Variants in BTRC observed in about 807,000 individuals in gnomAD.
BTRC encodes F-box/WD repeat-containing protein 1A.
BTRC carries 42 observed loss-of-function variants against 85.5 expected under a neutral mutation model. That is an observed-to-expected ratio of 0.49 (90% confidence interval 0.38 to 0.64). The LOEUF (loss-of-function observed/expected upper bound fraction) is 0.64. Ranked by LOEUF, BTRC falls within the 30% of genes least tolerant of loss-of-function variation. The pLI, the probability that BTRC is intolerant of heterozygous loss-of-function variation, is 0.00. For synonymous variants in BTRC, 255 were observed against 263.3 expected (o/e 0.97, Z 0.30); for missense variants, 594 against 743.5 (o/e 0.80, Z 2.34).
intron 1 of BTRC, among the ~76,000 whole-genome samples, chr10:101,396,084 A>G (rs1350671401): frequency 3.9e-5 from 6 of 151,988 alleles, no homozygotes; most frequent in Admixed American, 2.0e-4. Context: ...GATTTAAGCT[A>G]TTAAAGATAA....
intron 1 of BTRC, among the ~76,000 whole-genome samples, chr10:101,391,357 C>G (rs1943231886): frequency 6.6e-6 from 1 of 152,164 alleles, no homozygotes; most frequent in African/African-American, 2.4e-5. Flanking sequence ...AAGTAGAGAT[C>G]TAATTTACCA....
In BTRC at chr10:101,492,072, A is replaced by G. The variant is rs555468224; in HGVS notation, c.324+12615A>G. Among the ~76,000 whole-genome samples, 4 of 152,284 alleles carry G rather than the reference A, an allele frequency of 2.6e-5. No homozygotes were observed. The East Asian group carries it at 5.8e-4, about 22-fold the overall frequency. On this transcript the variant is annotated intron_variant, in intron 4 of 14. Transcript: ENST00000370187. ...CACACAGACTCATAAAGTATGTAAG[A>G]AACACTTGCTCAACATGGAGCACTA...
chr10:101,385,618 C>T (rs3051299), intron 1 of BTRC, among the ~76,000 whole-genome samples: 30,307 of 80,308 alleles, frequency 0.38, 8,123 homozygotes, highest in East Asian at 0.72. Context: ...TCTTCTTCTT[C>T]TTTTTTTTTT....
At chr10:101,358,404 C>T (rs1219000509) in intron 1 of BTRC, among the ~76,000 whole-genome samples, 2 of 151,994 alleles carry the variant, frequency 1.3e-5, no homozygotes, top group Non-Finnish European at 2.9e-5. Flanking sequence ...TGCCAAGCCA[C>T]GTTTATTTTT....
chr10:101,524,013 A>G (rs1047770808), intron 5 of BTRC, among the ~76,000 whole-genome samples: 1 of 152,156 alleles, frequency 6.6e-6, no homozygotes, highest in Non-Finnish European at 1.5e-5. Flanking sequence ...GTGCCAAACT[A>G]TCCCCTAATA....
intron 1 of BTRC, among the ~76,000 whole-genome samples, chr10:101,356,502 A>G (rs1409279020): frequency 1.3e-5 from 2 of 152,192 alleles, no homozygotes; most frequent in South Asian, 2.1e-4. Context: ...GTTAAAGTGG[A>G]CTTGGAGATG....
chr10:101,476,914 G>A (rs903329451), intron 3 of BTRC, among the ~76,000 whole-genome samples: 14 of 152,234 alleles, frequency 9.2e-5, no homozygotes, highest in Middle Eastern at 3.4e-3. Context: ...CAGCACTAAC[G>A]TCAACTGGGG....
chr10:101,362,651 T>TC (rs1269408868), intron 1 of BTRC, among the ~76,000 whole-genome samples: 1 of 152,030 alleles, frequency 6.6e-6, no homozygotes, highest in Non-Finnish European at 1.5e-5. Context: ...CGCCTCTGCC[T>TC]CCCAAAGTGC....
chr10:101,396,463 C>G (rs1329515288), intron 1 of BTRC, among the ~76,000 whole-genome samples: 2 of 139,040 alleles, frequency 1.4e-5, no homozygotes, highest in African/African-American at 5.4e-5. Context: ...CCAGGCTGGT[C>G]TCGAGCGAGG....
chr10:101,553,789 C>G lies in BTRC; in HGVS notation c.*666C>G, dbSNP rs4919551. ...TCTGTTCCTCTTCCCATCTACTCCCCTACGCCCCTTCAACCTTTTTTCTCT... is the reference window on the plus strand; with the variant it reads ...TCTGTTCCTCTTCCCATCTACTCCCGTACGCCCCTTCAACCTTTTTTCTCT... On this transcript the variant is annotated 3_prime_UTR_variant, in exon 15 of 15. Transcript: ENST00000370187. 24,898 of 152,780 alleles carry G rather than the reference C, an allele frequency of 0.16. 4,122 individuals carry two copies. Among genetic ancestry groups the G allele is most frequent in the African/African-American group, 0.43 (17,730 of 41,476 alleles). 9.5% of individuals were successfully genotyped at this position (152,780 alleles called of 1,614,324 possible).
At position 101,533,148 on chromosome 10, in the gene BTRC, A is replaced by G. The variant is rs1589607992; in HGVS notation, c.1097+78A>G. 6.7e-6 allele frequency: 7 copies of G among 1,044,514 alleles called. No individual in the cohort carries two copies. In the East Asian group the frequency reaches 1.2e-4, roughly 18 times the overall value. 64.7% of individuals were successfully genotyped at this position (1,044,514 alleles called of 1,614,324 possible). On this transcript the variant is annotated intron_variant, in intron 9 of 14. Coordinates refer to ENST00000370187, the MANE Select transcript of BTRC (RefSeq NM_033637.4). ...TCTTTGTCATAGATAGTAATTTTGT[A>G]TATATCGGCACAGTTCTGAAACTAA...
At chr10:101,521,430 T>G (rs985308473) in intron 4 of BTRC, among the ~76,000 whole-genome samples, 1 of 152,242 alleles carries the variant, frequency 6.6e-6, no homozygotes, top group African/African-American at 2.4e-5. Context: ...TCTGCAAACT[T>G]TTGGAAATGG....
chr10:101,365,953 T>C (rs1942361766), intron 1 of BTRC, among the ~76,000 whole-genome samples: 1 of 152,186 alleles, frequency 6.6e-6, no homozygotes, highest in African/African-American at 2.4e-5. Context: ...GACTCCTTAC[T>C]CTGAGCTCCA....
At chr10:101,430,310 T>C in intron 1 of BTRC, 35 bp from the exon 2 acceptor site, 2 of 1,477,714 alleles carry the variant, frequency 1.4e-6, no homozygotes, top group Non-Finnish European at 1.9e-6. Context: ...TCCTGTCTCA[T>C]ACTGTCCCAT....
chr10:101,469,851 A>G (rs1432329596), intron 3 of BTRC, among the ~76,000 whole-genome samples: 4 of 152,172 alleles, frequency 2.6e-5, no homozygotes, highest in African/African-American at 4.8e-5. Context: ...ATGGAATGCT[A>G]TATTTTTGGG....
At chr10:101,389,145 T>TTTTTTTTTTTTCC (rs1943170292) in intron 1 of BTRC, among the ~76,000 whole-genome samples, 1 of 138,494 alleles carries the variant, frequency 7.2e-6, no homozygotes, top group African/African-American at 2.8e-5. Flanking sequence ...TTTTTTTTTT[T>TTTTTTTTTTTTCC]TTTGCTGATC....
At chr10:101,461,243 A>G (rs1392779442) in intron 2 of BTRC, among the ~76,000 whole-genome samples, 1 of 152,094 alleles carries the variant, frequency 6.6e-6, no homozygotes, top group Non-Finnish European at 1.5e-5. Context: ...AATGTTACTA[A>G]TGTTGTTGCT....
Position 101,534,699 on chromosome 10 carries a change from T to G in BTRC, c.1136T>G (p.Leu379Trp), listed in dbSNP as rs1238949167. The stretch of plus-strand genomic sequence containing the variant: ...AATACAGGTGAAATGCTAAACACGT[T>G]GATTCACCATTGTGAAGCAGTTCTG... The part of the protein sequence containing the change: ...DVNTGEMLNT[L>W]IHHCEAVLHL... The change falls in exon 10 of 15, where the codon TTG becomes TGG. Residue 379 changes from leucine to tryptophan, a missense_variant. Physicochemically the swap from Leu to Trp is moderately conservative, Grantham distance 61. This residue lies in a region of BTRC where 373 missense variants were observed against 503.6 expected (regional missense o/e 0.74). Coordinates refer to ENST00000370187, the MANE Select transcript of BTRC (RefSeq NM_033637.4). 1 of 1,614,038 alleles carries G rather than the reference T, an allele frequency of 6.2e-7. No homozygotes were observed. The highest frequency in any genetic ancestry group is 1.3e-5 in the African/African-American group (1 of 74,928).
chr10:101,374,893 G>A (rs926574257), intron 1 of BTRC, among the ~76,000 whole-genome samples: 1 of 152,150 alleles, frequency 6.6e-6, no homozygotes, highest in Non-Finnish European at 1.5e-5. Flanking sequence ...GAAATATCAG[G>A]ATTTGGTTTT....
Sources: gnomAD v4.1 joint callset for allele counts (sites outside exome capture counted in the v4.1 genomes callset) on GRCh38, gnomAD v4.1.1 for gene constraint, gnomAD v4.1.1 regional missense constraint, MANE v1.5 for transcripts, NCBI Gene and HGNC (gene_info 2026-07-23, HGNC 2026-07-21) for gene names.